MRC2: variants seen among roughly 807,000 people sequenced by gnomAD.
The protein encoded by MRC2 is C-type mannose receptor 2.
In MRC2, 84 loss-of-function variants were observed where a neutral mutation model predicts 206.2. The observed-to-expected ratio is 0.41, with a 90% CI of 0.34 to 0.49. MRC2 has a LOEUF of 0.49. MRC2 is among the 20% of genes least tolerant of loss of function. The pLI is 0.31. For missense variants in MRC2, 1,676 were observed against 2,001.5 expected (o/e 0.84, Z 3.10); for synonymous variants, 798 against 800.0 (o/e 1.00, Z 0.04).
In MRC2 at chr17:62,682,241, G is replaced by C; in HGVS notation, c.2810G>C (p.Trp937Ser). The change falls in exon 20 of 30, where the codon TGG becomes TCG. Residue 937 changes from tryptophan to serine, a missense_variant. Physicochemically the swap from Trp to Ser is radical, Grantham distance 177 (BLOSUM62 -3). This residue lies in a region of MRC2 where 1,354 missense variants were observed against 1,636.6 expected (regional missense o/e 0.83). Coordinates refer to ENST00000303375, the MANE Select transcript of MRC2 (RefSeq NM_006039.5). ...TCCCCTCCCCTTTCCGCAGAGGACT[G>C]GGGGGACCAGAGGTGCCTGACAGCC... ...CVYMTASREDWGDQRCLTALP... is the reference protein window; with the variant it reads ...CVYMTASREDSGDQRCLTALP... The C allele has an allele frequency of 1.3e-6, 2 of 1,592,916 alleles. No homozygotes were observed. The highest frequency in any genetic ancestry group is 1.7e-6 in the Non-Finnish European group (2 of 1,169,040).
chr17:62,641,597 T>A (rs2088404919), intron 1 of MRC2, among the ~76,000 whole-genome samples: 1 of 152,224 alleles, frequency 6.6e-6, no homozygotes. Context: ...TTGGAAGCAC[T>A]GTTTATAGTA....
At chr17:62,645,185 G>A (rs2088460138) in intron 1 of MRC2, among the ~76,000 whole-genome samples, 1 of 151,986 alleles carries the variant, frequency 6.6e-6, no homozygotes. Context: ...AGAAATGGGA[G>A]ACCCCATTAT....
intron 1 of MRC2, among the ~76,000 whole-genome samples, chr17:62,655,450 G>A (rs1410222795): frequency 6.6e-6 from 1 of 152,146 alleles, no homozygotes; most frequent in African/African-American, 2.4e-5. Flanking sequence ...GCTGAGGCAG[G>A]AGAATGGTGT....
chr17:62,649,023 A>C (rs2088523766), intron 1 of MRC2, among the ~76,000 whole-genome samples: 1 of 152,200 alleles, frequency 6.6e-6, no homozygotes, highest in Non-Finnish European at 1.5e-5. Context: ...GAAACCCAGG[A>C]GACAGGTCTT....
Position 62,690,733 on chromosome 17 carries a change from C to T in MRC2, c.3984C>T (p.Ala1328=). The change falls in exon 27 of 30, where the codon GCC becomes GCT. Residue 1328 remains alanine (A), a synonymous_variant. Transcript: ENST00000303375. ...GCTATGAGGGCCAGAGTCGGGGCGC[C>T]TGGCTGGGCATGAACTTCAACCCCA... ...LQSYEGQSRG[A]WLGMNFNPKG... 1.9e-6 allele frequency: 3 copies of T among 1,611,776 alleles called. No homozygotes were observed. The highest frequency in any genetic ancestry group is 2.5e-6 in the Non-Finnish European group (3 of 1,179,036).
At position 62,672,000 on chromosome 17, in the gene MRC2, G is replaced by A. The variant is rs1357044009; in HGVS notation, c.1309G>A (p.Val437Met). Residue 437 changes from valine (V) to methionine (M), a missense_variant and splice_region_variant, in exon 8 of 30, where the codon GTG (valine) becomes ATG (methionine). Coordinates refer to ENST00000303375, the MANE Select transcript of MRC2 (RefSeq NM_006039.5). This position sits in a 1 kb window ranked among gnomAD's most constrained non-coding sequence, Gnocchi z 4.5. ...CTCCTCTCCTGCTGCACCCCCAGAGGTGGAGGAGCTGTGGATCGGCCTCAA... is the reference window on the plus strand; with the variant it reads ...CTCCTCTCCTGCTGCACCCCCAGAGATGGAGGAGCTGTGGATCGGCCTCAA... ...EFITKQIKQEVEELWIGLNDL... is the reference protein window; with the variant it reads ...EFITKQIKQEMEELWIGLNDL... 6.2e-7 allele frequency: 1 copy of A among 1,614,034 alleles called. No homozygotes were observed. Among genetic ancestry groups the A allele is most frequent in the Non-Finnish European group, 8.5e-7 (1 of 1,180,050 alleles).
intron 1 of MRC2, among the ~76,000 whole-genome samples, chr17:62,630,043 C>A (rs2084204195): frequency 6.6e-6 from 1 of 151,990 alleles, no homozygotes; most frequent in South Asian, 2.1e-4. Context: ...TGGAAGGAGT[C>A]CTCTTTGTTA....
Position 62,666,548 on chromosome 17 carries a change from G to T in MRC2, c.788G>T (p.Trp263Leu). 1.9e-6 allele frequency: 3 copies of T among 1,613,108 alleles called. No homozygotes were observed. The highest frequency in any genetic ancestry group is 2.5e-6 in the Non-Finnish European group (3 of 1,179,712). Residue 263 changes from tryptophan (W) to leucine (L), a missense_variant, in exon 4 of 30, where the codon TGG (tryptophan) becomes TTG (leucine). Coordinates refer to ENST00000303375, the MANE Select transcript of MRC2 (RefSeq NM_006039.5). This position sits in a 1 kb window ranked among gnomAD's most constrained non-coding sequence, Gnocchi z 5.0. ...TCCACGCTGTCGTGGAGGGAGGCCTGGGCCAGCTGCGAGCAGCAGGGTGCG... is the reference window on the plus strand; with the variant it reads ...TCCACGCTGTCGTGGAGGGAGGCCTTGGCCAGCTGCGAGCAGCAGGGTGCG... ...FQSTLSWREAWASCEQQGADL... is the reference protein window; with the variant it reads ...FQSTLSWREALASCEQQGADL...
intron 6 of MRC2, among the ~76,000 whole-genome samples, chr17:62,669,885 TC>T (rs1223863326): frequency 2.0e-5 from 3 of 152,290 alleles, no homozygotes; most frequent in Admixed American, 2.0e-4. Flanking sequence ...CTGCTTTATC[TC>T]CCATTCCGTA....
At chr17:62,673,506 CCTT>C (rs1331507538) in intron 8 of MRC2, among the ~76,000 whole-genome samples, 1 of 118,954 alleles carries the variant, frequency 8.4e-6, no homozygotes, top group African/African-American at 3.3e-5. Flanking sequence ...GGACGCCTTT[CCTT>C]TTTTTTTTTT....
At chr17:62,630,755 T>G (rs2084209470) in intron 1 of MRC2, among the ~76,000 whole-genome samples, 1 of 151,954 alleles carries the variant, frequency 6.6e-6, no homozygotes, top group Non-Finnish European at 1.5e-5. Context: ...GTGGGGAAGG[T>G]CGGTGCTGCC....
rs1598999579 is a variant in MRC2 at position 62,689,974 on chromosome 17, G to T, written c.3654G>T (p.Gly1218=). The T allele has an allele frequency of 5.6e-6, 9 of 1,612,570 alleles. No homozygotes were observed. The highest frequency in any genetic ancestry group is 1.7e-4 in the Middle Eastern group (1 of 6,004). Residue 1218 remains glycine (G), a synonymous_variant, in exon 25 of 30, where the codon GGG becomes GGT. Coordinates refer to ENST00000303375, the MANE Select transcript of MRC2 (RefSeq NM_006039.5). ...GWQDGEPQQP[G]GCTYVDVDGA... is the part of the protein sequence containing the mutation. Reference sequence around the variant, plus strand: ...AGGACGGGGAGCCGCAGCAGCCGGGGGGCTGTACCTACGTAGATGTGGACG... The same window carrying T: ...AGGACGGGGAGCCGCAGCAGCCGGGTGGCTGTACCTACGTAGATGTGGACG...
intron 20 of MRC2, among the ~76,000 whole-genome samples, chr17:62,685,625 G>C (rs1179461433): frequency 1.3e-5 from 2 of 152,006 alleles, no homozygotes; most frequent in Non-Finnish European, 2.9e-5. Context: ...CTGCAGCCTC[G>C]ACCTCCTAGG....
intron 1 of MRC2, among the ~76,000 whole-genome samples, chr17:62,628,512 C>T (rs949404138): frequency 6.6e-6 from 1 of 152,196 alleles, no homozygotes; most frequent in South Asian, 2.1e-4. Flanking sequence ...CTCGGCAGCC[C>T]TGTGAGGAGG....
intron 12 of MRC2, among the ~76,000 whole-genome samples, chr17:62,677,943 G>A (rs562150285): frequency 1.3e-5 from 2 of 152,278 alleles, no homozygotes; most frequent in Admixed American, 6.5e-5. Context: ...CCAGCTACTC[G>A]GGAGGCTGAG....
intron 1 of MRC2, among the ~76,000 whole-genome samples, chr17:62,651,155 C>T (rs2088551543): frequency 6.6e-6 from 1 of 151,670 alleles, no homozygotes; most frequent in African/African-American, 2.4e-5. Context: ...GCGATCTCGG[C>T]TCACTGCAAC....
chr17:62,642,057 C>T (rs774316321), intron 1 of MRC2, among the ~76,000 whole-genome samples: 3 of 152,130 alleles, frequency 2.0e-5, no homozygotes, highest in Admixed American at 1.3e-4. Context: ...AGAAATAGAG[C>T]GGATGCAATT....
At chr17:62,643,443 G>C (rs558516196) in intron 1 of MRC2, among the ~76,000 whole-genome samples, 1 of 152,196 alleles carries the variant, frequency 6.6e-6, no homozygotes, top group Non-Finnish European at 1.5e-5. Flanking sequence ...TGCGGGAGAA[G>C]GGTACTCAGC....
At chr17:62,685,805 G>C (rs2089024433) in intron 20 of MRC2, among the ~76,000 whole-genome samples, 1 of 152,182 alleles carries the variant, frequency 6.6e-6, no homozygotes, top group Non-Finnish European at 1.5e-5. Context: ...GCCTTCCAAA[G>C]GGCAGGGATT....
Sources: allele counts gnomAD v4.1 joint callset (sites outside exome capture counted in the v4.1 genomes callset), GRCh38; gene constraint gnomAD v4.1.1; regional missense constraint gnomAD v4.1.1; non-coding constraint Gnocchi (gnomAD v3.1); transcripts MANE v1.5; gene names NCBI Gene and HGNC (gene_info 2026-07-23, HGNC 2026-07-21).